FRMD8: variants seen among roughly 807,000 people sequenced by gnomAD.
The protein encoded by FRMD8 is FERM domain containing 8, also known as FERM domain-containing protein 8.
In FRMD8, 37 loss-of-function variants were observed where a neutral mutation model predicts 54.2. The observed-to-expected ratio is 0.68, with a 90% confidence interval of 0.53 to 0.90. The LOEUF (loss-of-function observed/expected upper bound fraction) is 0.90, where lower values mean the gene tolerates loss of function less well. Ranked by LOEUF, FRMD8 falls within the 40% of genes least tolerant of loss-of-function variation. The pLI, the probability that FRMD8 is intolerant of heterozygous loss-of-function variation, is 0.00. For synonymous variants in FRMD8, 246 were observed against 286.9 expected (o/e 0.86, Z 1.44); for missense variants, 585 against 653.7 (o/e 0.89, Z 1.15).
At chr11:65,390,572 C>G (rs1855824382) in intron 3 of FRMD8, among the ~76,000 whole-genome samples, 1 of 151,832 alleles carries the variant, frequency 6.6e-6, no homozygotes, top group African/African-American at 2.4e-5. Flanking sequence ...CTCCCCCCTG[C>G]CAGTAGGAGC....
the FRMD8 span, among the ~76,000 whole-genome samples, chr11:65,369,293 G>A: frequency 6.6e-6 from 1 of 152,200 alleles, no homozygotes; most frequent in East Asian, 1.9e-4. Context: ...GGCAGGCAGA[G>A]GGCATGTGCG....
At chr11:65,380,197 A>T in the FRMD8 span, 1 of 1,614,028 alleles carries the variant, frequency 6.2e-7, no homozygotes, top group African/African-American at 1.3e-5. Context: ...AGAGGGTGCT[A>T]TGAGTGAGGG....
chr11:65,400,852 G>C lies in FRMD8; in HGVS notation c.1056G>C (p.Lys352Asn). 6.2e-7 allele frequency: 1 copy of C among 1,610,502 alleles called. No individual in the cohort carries two copies. Among genetic ancestry groups the C allele is most frequent in the Non-Finnish European group, 8.5e-7 (1 of 1,178,374 alleles). ...GCACACCTGTCAACAAGCTCCTCAA[G>C]ATCTACTCCAAGCAGGTAGCGCGGG... ...SEGTPVNKLL[K>N]IYSKQAELMS... The change falls in exon 9 of 11, where the codon AAG becomes AAC. Residue 352 changes from lysine to asparagine, a missense_variant. Transcript: ENST00000317568. This position sits in a 1 kb window ranked among gnomAD's most constrained non-coding sequence, Gnocchi z 4.3.
chr11:65,394,277 C>G lies in FRMD8; in HGVS notation c.433C>G (p.Leu145Val). The G allele has an allele frequency of 1.3e-6, 2 of 1,598,982 alleles. No homozygotes were observed. The highest frequency in any genetic ancestry group is 2.3e-5 in the South Asian group (2 of 88,842). ...RELQIHDEEV[L>V]RLLYEEAKGN... ...CCTGCAGATCCATGACGAGGAGGTCCTGCGGCTGCTCTATGAGGAGGCCAA... is the reference window on the plus strand; with the variant it reads ...CCTGCAGATCCATGACGAGGAGGTCGTGCGGCTGCTCTATGAGGAGGCCAA... The change falls in exon 6 of 11, where the codon CTG (leucine) becomes GTG (valine). Residue 145 changes from leucine to valine, a missense_variant. Transcript: ENST00000317568.
At chr11:65,379,320 A>G in the FRMD8 span, 1 of 1,585,466 alleles carries the variant, frequency 6.3e-7, no homozygotes, top group African/African-American at 1.3e-5. Context: ...GGGAGAGGAC[A>G]GATCGAGATG....
chr11:65,394,640 A>C (rs1855912078), intron 6 of FRMD8, among the ~76,000 whole-genome samples: 1 of 152,154 alleles, frequency 6.6e-6, no homozygotes, highest in African/African-American at 2.4e-5. Flanking sequence ...GGTGAAGTGA[A>C]GTCTGGGAGA....
chr11:65,370,337 C>G, the FRMD8 span, among the ~76,000 whole-genome samples: 1 of 151,556 alleles, frequency 6.6e-6, no homozygotes, highest in South Asian at 2.1e-4. Flanking sequence ...AGGGAGCTTG[C>G]CCTGGTTCTG....
At chr11:65,370,044 T>A in the FRMD8 span, among the ~76,000 whole-genome samples, 4 of 150,220 alleles carry the variant, frequency 2.7e-5, no homozygotes, top group Admixed American at 6.6e-5. Flanking sequence ...AAAAAATAAA[T>A]AAATAAATAA....
chr11:65,405,704 A>G (rs1856181546), intron 10 of FRMD8, among the ~76,000 whole-genome samples: 1 of 151,960 alleles, frequency 6.6e-6, no homozygotes. Context: ...CAGCTGGTAA[A>G]AATACAGTAC....
At position 65,411,325 on chromosome 11, in the gene FRMD8, G is replaced by A. The variant is rs1230160763; in HGVS notation, c.1360G>A (p.Val454Met). 6.2e-6 allele frequency: 10 copies of A among 1,606,468 alleles called. No individual in the cohort carries two copies. Among genetic ancestry groups the A allele is most frequent in the East Asian group, 2.2e-5 (1 of 44,674 alleles). Residue 454 changes from valine (V) to methionine (M), a missense_variant, in exon 11 of 11, where the codon GTG becomes ATG. Transcript: ENST00000317568. ...GTCCTTGGGCCAGGGGAGCTACACC[G>A]TGGTGCAGCCCGGCGACAGCCTGGA... is the stretch of plus-strand genomic sequence containing the variant. ...QLSLGQGSYT[V>M]VQPGDSLEQG is the part of the protein sequence containing the mutation.
chr11:65,397,155 C>A (rs190466188), intron 7 of FRMD8, 135 bp downstream of exon 7: 85 of 501,360 alleles, frequency 1.7e-4, no homozygotes, highest in African/African-American at 1.5e-3. Context: ...TCACGAGCAC[C>A]TCAGGCCCCA....
intron 10 of FRMD8, among the ~76,000 whole-genome samples, chr11:65,406,363 T>A (rs889391959): frequency 5.9e-5 from 9 of 151,902 alleles, no homozygotes; most frequent in Non-Finnish European, 1.2e-4. Context: ...CCCGGCTACT[T>A]TTTTGTATTT....
chr11:65,396,191 G>A (rs1855950375), intron 6 of FRMD8, among the ~76,000 whole-genome samples: 1 of 152,224 alleles, frequency 6.6e-6, no homozygotes, highest in African/African-American at 2.4e-5. Flanking sequence ...AGGAAGGGTT[G>A]GGTGACAGGA....
chr11:65,389,506 C>T lies in FRMD8; in HGVS notation c.231C>T (p.Leu77=), dbSNP rs528421662. 5 of 1,596,934 alleles carry T rather than the reference C, an allele frequency of 3.1e-6. No homozygotes were observed. The African/African-American group carries it at 6.7e-5, about 21-fold the overall frequency. The change falls in exon 3 of 11, where the codon CTC becomes CTT. Residue 77 remains leucine (L), a synonymous_variant. Coordinates refer to ENST00000317568, the MANE Select transcript of FRMD8 (RefSeq NM_031904.5). ...ACATCGCCCTGGATGTCTTCGCGCT[C>T]TGGCTGGTCTCCCCTCTGCTGGGTA... ...LPDIALDVFA[L]WLVSPLLEVQ...
intron 10 of FRMD8, among the ~76,000 whole-genome samples, chr11:65,406,002 T>A (rs1395105528): frequency 6.6e-6 from 1 of 151,298 alleles, no homozygotes; most frequent in Non-Finnish European, 1.5e-5. Context: ...TGAGACCCTA[T>A]ATATATATAT....
chr11:65,379,658 C>T, the FRMD8 span: 1 of 1,356,072 alleles, frequency 7.4e-7, no homozygotes, highest in Non-Finnish European at 1.0e-6. Context: ...GAAACTGCTC[C>T]CAAGTCCTGC....
upstream of FRMD8, chr11:65,382,401 T>G (rs590601): frequency 0.99 from 197,126 of 199,592 alleles, 97,404 homozygotes; most frequent in East Asian, 1. The surrounding 1 kb of genome is among the most constrained non-coding windows in gnomAD (Gnocchi z 4.4). Flanking sequence ...GGTGCGGAGG[T>G]AGCGTGGCCA....
chr11:65,396,966 T>A lies in FRMD8; in HGVS notation c.749T>A (p.Leu250Gln). Residue 250 changes from leucine to glutamine, a missense_variant, in exon 7 of 11, where the codon CTG (leucine) becomes CAG (glutamine). Transcript: ENST00000317568. Reference protein sequence around the residue: ...VSSDGGCEAALGTHYRAYLLK... With the variant: ...VSSDGGCEAAQGTHYRAYLLK... ...AGCGACGGCGGGTGCGAGGCCGCCC[T>A]GGGCACCCACTACCGCGCCTATCTC... is the stretch of plus-strand genomic sequence containing the variant. The A allele has an allele frequency of 6.6e-7, 1 of 1,507,984 alleles. No individual in the cohort carries two copies. The allele number at this position is 1,507,984 out of a possible 1,614,324, so 93.4% of individuals were successfully genotyped here.
At chr11:65,380,394 A>G in the FRMD8 span, 2 of 895,052 alleles carry the variant, frequency 2.2e-6, no homozygotes, top group Non-Finnish European at 3.4e-6. Context: ...CAAGGGACTA[A>G]GACCCCAGGC....
Sources: gnomAD v4.1 joint callset for allele counts (sites outside exome capture counted in the v4.1 genomes callset) on GRCh38, gnomAD v4.1.1 for gene constraint, Gnocchi (gnomAD v3.1) non-coding constraint, MANE v1.5 for transcripts, NCBI Gene and HGNC (gene_info 2026-07-23, HGNC 2026-07-21) for gene names.